CT55: variants seen among roughly 807,000 people sequenced by gnomAD.
The protein encoded by CT55 is BRCA2-interacting protein.
A neutral mutation model predicts 12.6 loss-of-function variants in CT55; 1 was observed. The observed-to-expected ratio is 0.08, with a 90% CI of 0.03 to 0.38. The LOEUF (loss-of-function observed/expected upper bound fraction) is 0.38. CT55 is among the 10% of genes least tolerant of loss of function. CT55 has a pLI of 0.99. For missense variants in CT55, 109 were observed against 135.4 expected, an observed-to-expected ratio of 0.80 and a Z score of 0.97; for synonymous variants, 43 against 49.7, an observed-to-expected ratio of 0.87 and a Z score of 0.57.
intron 2 of CT55, among the ~76,000 whole-genome samples, chrX:135,163,544 GA>G (rs1288635664): frequency 2.7e-5 from 3 of 110,344 alleles, no homozygotes; most frequent in African/African-American, 6.6e-5. Flanking sequence ...GACACGGAAT[GA>G]AAAAAAACTA....
chrX:135,167,728 T>C (rs2083592347), intron 2 of CT55, among the ~76,000 whole-genome samples: 1 of 110,140 alleles, frequency 9.1e-6, no homozygotes, highest in East Asian at 2.8e-4. Context: ...TTCCAAAATG[T>C]AACTCCAACA....
chrX:135,158,756 T>C (rs2083548699), intron 3 of CT55, among the ~76,000 whole-genome samples: 1 of 112,377 alleles, frequency 8.9e-6, no homozygotes, highest in Non-Finnish European at 1.9e-5. Context: ...TCTTCATCTA[T>C]AAAATGAGAA....
At chrX:135,165,785 T>C (rs191185894) in intron 2 of CT55, among the ~76,000 whole-genome samples, 87 of 110,017 alleles carry the variant, frequency 7.9e-4, no homozygotes, top group African/African-American at 2.7e-3. Flanking sequence ...AGGAAGATTA[T>C]GAACAATCAT....
intron 2 of CT55, among the ~76,000 whole-genome samples, chrX:135,168,452 A>C (rs1475603297): frequency 9.0e-6 from 1 of 111,722 alleles, no homozygotes; most frequent in African/African-American, 3.3e-5. Flanking sequence ...GTTAGGGTGG[A>C]CAGAGGAATG....
chrX:135,166,333 G>A (rs868963807), intron 2 of CT55, among the ~76,000 whole-genome samples: 3 of 111,438 alleles, frequency 2.7e-5, no homozygotes, highest in Admixed American at 9.5e-5. Flanking sequence ...GCTATATCAC[G>A]TGAAAAGAAT....
intron 2 of CT55, among the ~76,000 whole-genome samples, chrX:135,164,808 T>C (rs2083576412): frequency 9.0e-6 from 1 of 110,746 alleles, no homozygotes; most frequent in Non-Finnish European, 1.9e-5. Context: ...TAAAATAGAG[T>C]TTAAATCACA....
chrX:135,160,645 T>C, intron 2 of CT55, 90 bp from the exon 3 acceptor site: 1 of 985,579 alleles, frequency 1.0e-6, no homozygotes, highest in Admixed American at 3.6e-5. Flanking sequence ...TCAAAAATAT[T>C]TTCAACAGCC....
intron 3 of CT55, among the ~76,000 whole-genome samples, chrX:135,158,905 ATGT>A (rs1411236862): frequency 8.9e-6 from 1 of 112,453 alleles, no homozygotes; most frequent in African/African-American, 3.2e-5. Flanking sequence ...CCGCTAGGAA[ATGT>A]TGTTACTTTC....
chrX:135,158,472 AAAG>A (rs1569481645), intron 3 of CT55, among the ~76,000 whole-genome samples, 161 bp from the exon 4 acceptor site: 1 of 112,597 alleles, frequency 8.9e-6, no homozygotes, highest in African/African-American at 3.2e-5. Flanking sequence ...CTAAGTCCAA[AAAG>A]AAGTTTATAA....
Position 135,171,332 on chromosome X carries a change from C to G in CT55, c.-161G>C. 5.0e-6 allele frequency: 5 copies of G among 990,323 alleles called. No homozygotes were observed. Among genetic ancestry groups the G allele is most frequent in the African/African-American group, 1.9e-5 (1 of 52,077 alleles). The allele number at this position is 990,323 out of a possible 1,213,427, so 81.6% of individuals were successfully genotyped here. A position where few individuals can be genotyped will look rare whatever the true frequency, so the allele number is the denominator to read the frequency against. ...GGGACCCACCCGTTAGTGAGCCCCCCTCAGGAGAGTCAGGGACACCGCAGC... is the reference window on the plus strand; with the variant it reads ...GGGACCCACCCGTTAGTGAGCCCCCGTCAGGAGAGTCAGGGACACCGCAGC... On this transcript the variant is annotated 5_prime_UTR_variant, in exon 1 of 6. Transcript: ENST00000276241.
At chrX:135,170,276 G>A (rs1556406603) in intron 1 of CT55, among the ~76,000 whole-genome samples, 1 of 112,262 alleles carries the variant, frequency 8.9e-6, no homozygotes, top group Admixed American at 9.4e-5. Context: ...CAAAGAGCTG[G>A]GATTACAGGT....
At position 135,169,586 on chromosome X, in the gene CT55, C is replaced by T; in HGVS notation, c.279+8G>A. ...AAGACACAATTCCCAAACTCATGCA[C>T]ATCTCACCTTGATTGCTCTCAATCC... On this transcript the variant is annotated splice_region_variant and intron_variant, in intron 2 of 5. Transcript: ENST00000276241. 2 of 1,188,590 alleles carry T rather than the reference C, an allele frequency of 1.7e-6. No homozygotes were observed. Among genetic ancestry groups the T allele is most frequent in the Non-Finnish European group, 2.3e-6 (2 of 880,273 alleles).
chrX:135,170,955 C>T (rs2083608306), intron 1 of CT55, 123 bp downstream of exon 1: 1 of 1,086,224 alleles, frequency 9.2e-7, no homozygotes, highest in Non-Finnish European at 1.2e-6. Context: ...CATGCACGCA[C>T]AAGATGGAGC....
chrX:135,168,792 A>G (rs2083597583), intron 2 of CT55, among the ~76,000 whole-genome samples: 1 of 112,059 alleles, frequency 8.9e-6, no homozygotes, highest in Non-Finnish European at 1.9e-5. Context: ...AAAAGATGGT[A>G]TCAGACGAAA....
intron 2 of CT55, among the ~76,000 whole-genome samples, chrX:135,164,982 G>A (rs2148444183): frequency 8.9e-6 from 1 of 111,926 alleles, no homozygotes; most frequent in South Asian, 3.7e-4. Context: ...AGTAATAGTA[G>A]GGGACTTCAA....
chrX:135,168,298 G>C (rs1210277620), intron 2 of CT55, among the ~76,000 whole-genome samples: 1 of 111,900 alleles, frequency 8.9e-6, no homozygotes, highest in Non-Finnish European at 1.9e-5. Context: ...GAAATAACCT[G>C]GATGAACCTG....
chrX:135,162,824 G>A (rs1226021447), intron 2 of CT55, among the ~76,000 whole-genome samples: 11 of 111,300 alleles, frequency 9.9e-5, no homozygotes, highest in African/African-American at 3.6e-4. Context: ...TCAATATCTG[G>A]CCCACATCTC....
At chrX:135,158,143 T>A in intron 4 of CT55, 56 bp downstream of exon 4, 1 of 704,279 alleles carries the variant, frequency 1.4e-6, no homozygotes, top group East Asian at 3.3e-5. Flanking sequence ...ACGTAAATTA[T>A]CACCAAAGGA....
At chrX:135,166,797 C>T (rs782243239) in intron 2 of CT55, among the ~76,000 whole-genome samples, 1 of 111,364 alleles carries the variant, frequency 9.0e-6, no homozygotes, top group South Asian at 3.8e-4. Context: ...AGTAGTATCT[C>T]TATACACCAA....
Sources: allele counts gnomAD v4.1 joint callset (sites outside exome capture counted in the v4.1 genomes callset), GRCh38; gene constraint gnomAD v4.1.1; transcripts MANE v1.5; gene names NCBI Gene and HGNC (gene_info 2026-07-23, HGNC 2026-07-21).